The following RBM33 variants were observed in gnomAD, a reference collection of about 807,000 sequenced individuals.
The protein encoded by RBM33 is RNA-binding protein 33.
In RBM33, 28 loss-of-function variants were observed where a neutral mutation model predicts 132.6. That is an observed-to-expected ratio of 0.21 (90% CI 0.16 to 0.29). The LOEUF is 0.29. Ranked by LOEUF, RBM33 falls within the 10% of genes least tolerant of loss-of-function variation. The probability of loss-of-function intolerance (pLI) is 1.00; values close to 1 mark genes in which losing one functional copy is unlikely to be tolerated. For missense variants in RBM33, 1,291 were observed against 1,518.5 expected (o/e 0.85, Z 2.49); for synonymous variants, 634 against 593.0 (o/e 1.07, Z -1.01).
chr7:155,745,796 T>G lies in RBM33; in HGVS notation c.2979+194T>G. On this transcript the variant is annotated intron_variant, in intron 14 of 17. Transcript: ENST00000401878. This position sits in a 1 kb window ranked among gnomAD's most constrained non-coding sequence, Gnocchi z 4.1. ...GCATACATTCTCAGAAATGTGTTGTTAGGCGATTTTGTCATTGTCTGAACG... is the reference window on the plus strand; with the variant it reads ...GCATACATTCTCAGAAATGTGTTGTGAGGCGATTTTGTCATTGTCTGAACG... The G allele has an allele frequency of 1.6e-6, 1 of 615,316 alleles. No homozygotes were observed. Among genetic ancestry groups the G allele is most frequent in the Non-Finnish European group, 2.8e-6 (1 of 356,390 alleles). 38.1% of individuals were successfully genotyped at this position (615,316 alleles called of 1,614,324 possible).
intron 14 of RBM33, among the ~76,000 whole-genome samples, chr7:155,748,020 C>T (rs1053546372): frequency 6.6e-6 from 1 of 152,194 alleles, no homozygotes; most frequent in Non-Finnish European, 1.5e-5. Flanking sequence ...CATATGGGGG[C>T]TGTGGTCTTA....
At chr7:155,742,543 GA>G (rs1179658455) in intron 13 of RBM33, among the ~76,000 whole-genome samples, 1 of 152,176 alleles carries the variant, frequency 6.6e-6, no homozygotes, top group Admixed American at 6.5e-5. Flanking sequence ...TGGTGGACCG[GA>G]CTCAGCCTGT....
chr7:155,750,639 A>G lies in RBM33; in HGVS notation c.2979+5037A>G, dbSNP rs147028397. On this transcript the variant is annotated intron_variant, in intron 14 of 17. Transcript: ENST00000401878. ...AGGATCCTTGTAAGGATTAAACGTC[A>G]TAATCATGTAAAGTTAGTGGTACAG... Among the ~76,000 whole-genome samples the G allele has an allele frequency of 2.2e-4, 33 of 152,330 alleles. 1 individual carries two copies. Among genetic ancestry groups the G allele is most frequent in the Admixed American group, 2.2e-3 (33 of 15,302 alleles).
At chr7:155,700,657 G>A in intron 5 of RBM33, 116 bp from the exon 6 acceptor site, 1 of 622,496 alleles carries the variant, frequency 1.6e-6, no homozygotes, top group Non-Finnish European at 2.5e-6. Flanking sequence ...AGGACATTTT[G>A]CAGTATTTTT....
chr7:155,718,389 C>G lies in RBM33; in HGVS notation c.1206C>G (p.Pro402=), dbSNP rs769471356. ...CACAAGGGGTTTTTCTTGCAGTGCCCTTGCTACCAGTTCCGAGCCAGCCGA... is the reference window on the plus strand; with the variant it reads ...CACAAGGGGTTTTTCTTGCAGTGCCGTTGCTACCAGTTCCGAGCCAGCCGA... ...KGTVVTPVQV[P]LLPVPSQPRP... The change falls in exon 9 of 18, where the codon CCC becomes CCG. Residue 402 remains proline (P), a synonymous_variant. Coordinates refer to ENST00000401878, the MANE Select transcript of RBM33 (RefSeq NM_053043.3). 6.2e-7 allele frequency: 1 copy of G among 1,613,788 alleles called. No individual in the cohort carries two copies. Among genetic ancestry groups the G allele is most frequent in the Non-Finnish European group, 8.5e-7 (1 of 1,179,810 alleles).
chr7:155,674,772 G>A (rs184440854), intron 3 of RBM33, among the ~76,000 whole-genome samples: 259 of 152,276 alleles, frequency 1.7e-3, no homozygotes, highest in African/African-American at 5.7e-3. Flanking sequence ...GCATTCCGAC[G>A]CCTCAGTGGA....
chr7:155,672,753 A>G, intron 2 of RBM33, 114 bp from the exon 3 acceptor site: 1 of 647,922 alleles, frequency 1.5e-6, no homozygotes, highest in Non-Finnish European at 2.4e-6. Context: ...TCAAAAAAAA[A>G]AAAAAAAAAA....
chr7:155,652,633 T>C (rs1798387332), intron 1 of RBM33, among the ~76,000 whole-genome samples: 1 of 152,220 alleles, frequency 6.6e-6, no homozygotes, highest in Admixed American at 6.5e-5. Context: ...ATCTTCAGTC[T>C]TGAAGGAAAA....
In RBM33 at chr7:155,741,963, G is replaced by A. The variant is rs750156200; in HGVS notation, c.2194G>A (p.Ala732Thr). Residue 732 changes from alanine (A) to threonine (T), a missense_variant, in exon 13 of 18, where the codon GCA becomes ACA. By Grantham distance (58) the Ala-to-Thr change is moderately conservative (BLOSUM62 0). Transcript: ENST00000401878. ...CAGCCGCTGCTCTGCCACGCCCTCA[G>A]CACAAGTGAAACCTATCGTCAGCGC... Reference protein sequence around the residue: ...SSSRCSATPSAQVKPIVSASP... With the variant: ...SSSRCSATPSTQVKPIVSASP... 2.9e-5 allele frequency: 46 copies of A among 1,613,890 alleles called. No homozygotes were observed. Among genetic ancestry groups the A allele is most frequent in the South Asian group, 4.4e-5 (4 of 91,084 alleles).
chr7:155,714,348 A>G (rs10227012), intron 8 of RBM33, among the ~76,000 whole-genome samples: 50,222 of 151,956 alleles, frequency 0.33, 11,165 homozygotes, highest in African/African-American at 0.63. Context: ...TGAAAAGGAG[A>G]TCATTGGAGA....
Position 155,693,208 on chromosome 7 carries a change from A to C in RBM33, c.568-7565A>C, listed in dbSNP as rs923194671. Among the ~76,000 whole-genome samples, 5 of 152,216 alleles carry C rather than the reference A, an allele frequency of 3.3e-5. No individual in the cohort carries two copies. The East Asian group carries it at 9.6e-4, about 29-fold the overall frequency. On this transcript the variant is annotated intron_variant, in intron 5 of 17. Transcript: ENST00000401878. ...AAAAATTTTTTTACTGTAAGCGAGA[A>C]ATATTCTTTTTCCTTTTTAAATATG...
intron 9 of RBM33, among the ~76,000 whole-genome samples, chr7:155,731,246 A>G (rs1253422139): frequency 6.6e-6 from 1 of 152,218 alleles, no homozygotes; most frequent in Non-Finnish European, 1.5e-5. Context: ...AGGTTTATAA[A>G]GAGTCCTGCT....
intron 7 of RBM33, among the ~76,000 whole-genome samples, chr7:155,710,264 G>A (rs1032047942): frequency 1.2e-4 from 18 of 152,180 alleles, no homozygotes; most frequent in African/African-American, 4.1e-4. Flanking sequence ...AGCAAAACCT[G>A]TGGAATCAGA....
intron 14 of RBM33, among the ~76,000 whole-genome samples, chr7:155,752,096 G>C (rs1801703651): frequency 6.6e-6 from 1 of 152,198 alleles, no homozygotes; most frequent in Non-Finnish European, 1.5e-5. Context: ...ACTGGTTTCT[G>C]TGTCCTTTGA....
At chr7:155,721,994 A>G (rs1440941999) in intron 9 of RBM33, among the ~76,000 whole-genome samples, 1 of 152,338 alleles carries the variant, frequency 6.6e-6, no homozygotes, top group South Asian at 2.1e-4. Context: ...ACTAGGATGC[A>G]TGTCCTTCCC....
chr7:155,704,398 C>G (rs989846238), intron 6 of RBM33, among the ~76,000 whole-genome samples: 26 of 152,254 alleles, frequency 1.7e-4, no homozygotes, highest in African/African-American at 6.0e-4. Flanking sequence ...TCATTACATA[C>G]AGAGGATGTT....
chr7:155,673,941 T>TTGTTG lies in RBM33; in HGVS notation c.171+1027_171+1028insGTTGT, dbSNP rs796928438. Among the ~76,000 whole-genome samples the TTGTTG allele has an allele frequency of 1.9e-3, 79 of 42,514 alleles. 2 individuals carry two copies. The highest frequency in any genetic ancestry group is 0.012 in the African/African-American group (77 of 6,484). The allele number at this position is 42,514 out of a possible 152,430, so 27.9% of individuals were successfully genotyped here. On this transcript the variant is annotated intron_variant, in intron 3 of 17. Transcript: ENST00000401878. ...CATTATCAAGATAGTTTAGGCTTAGTTTTTTTTTTTTTTTTTTTTTTTTTT... is the reference window on the plus strand; with the variant it reads ...CATTATCAAGATAGTTTAGGCTTAGTTGTTGTTTTTTTTTTTTTTTTTTTTTTTTT...
chr7:155,681,842 G>A (rs1382638434), intron 5 of RBM33, among the ~76,000 whole-genome samples: 1 of 152,062 alleles, frequency 6.6e-6, no homozygotes, highest in South Asian at 2.1e-4. Flanking sequence ...ATGTGTATGA[G>A]TAATTTTGAA....
intron 14 of RBM33, among the ~76,000 whole-genome samples, chr7:155,747,437 C>T (rs180791328): frequency 1.2e-4 from 18 of 152,136 alleles, no homozygotes; most frequent in Non-Finnish European, 1.9e-4. Context: ...TTACAATGGC[C>T]GATGTAGAGG....
Sources: allele counts gnomAD v4.1 joint callset (sites outside exome capture counted in the v4.1 genomes callset), GRCh38; gene constraint gnomAD v4.1.1; non-coding constraint Gnocchi (gnomAD v3.1); transcripts MANE v1.5; gene names NCBI Gene and HGNC (gene_info 2026-07-23, HGNC 2026-07-21).